MAF: variants seen among roughly 807,000 people sequenced by gnomAD.
MAF encodes the protein transcription factor Maf.
A neutral mutation model predicts 22.0 loss-of-function variants in MAF; 10 were observed. The observed-to-expected ratio is 0.45, with a 90% CI of 0.28 to 0.77. The LOEUF is 0.77. Ranked by LOEUF, MAF falls within the 30% of genes least tolerant of loss-of-function variation. MAF has a pLI of 0.12. For missense variants in MAF, 544 were observed against 548.4 expected, an observed-to-expected ratio of 0.99 and a Z score of 0.08; for synonymous variants, 337 against 255.8, an observed-to-expected ratio of 1.32 and a Z score of -3.03.
chr16:79,229,761 G>T, the MAF span, among the ~76,000 whole-genome samples: 2 of 152,010 alleles, frequency 1.3e-5, no homozygotes, highest in Non-Finnish European at 2.9e-5. Context: ...GTACCTCCGG[G>T]ATTCCTTCTC....
chr16:79,294,980 C>G, the MAF span, among the ~76,000 whole-genome samples: 1 of 150,824 alleles, frequency 6.6e-6, no homozygotes, highest in African/African-American at 2.4e-5. Flanking sequence ...TCGTTCTCCC[C>G]TTGAAAACAG....
At chr16:79,310,755 G>C in the MAF span, among the ~76,000 whole-genome samples, 7 of 152,198 alleles carry the variant, frequency 4.6e-5, no homozygotes, top group African/African-American at 1.7e-4. Context: ...TTATCTTTGG[G>C]AAATTGTAGC....
At chr16:79,323,472 A>G in the MAF span, among the ~76,000 whole-genome samples, 1 of 152,198 alleles carries the variant, frequency 6.6e-6, no homozygotes, top group Non-Finnish European at 1.5e-5. Flanking sequence ...GACAAATTAA[A>G]AAGATTAAAA....
the MAF span, among the ~76,000 whole-genome samples, chr16:79,231,151 C>A: frequency 6.6e-6 from 1 of 152,004 alleles, no homozygotes; most frequent in East Asian, 1.9e-4. Context: ...ACTGTCTCCA[C>A]CTGGATGTGA....
chr16:79,499,547 G>C, the MAF span, among the ~76,000 whole-genome samples: 1 of 152,120 alleles, frequency 6.6e-6, no homozygotes, highest in Non-Finnish European at 1.5e-5. Flanking sequence ...GATTTGAAAG[G>C]TGATTAAGTC....
chr16:79,276,139 CAAAG>C, the MAF span, among the ~76,000 whole-genome samples: 1 of 84,898 alleles, frequency 1.2e-5, no homozygotes, highest in African/African-American at 3.9e-5. Flanking sequence ...GACTCCATCT[CAAAG>C]AAAAAAAAAG....
At chr16:79,376,265 T>C in the MAF span, among the ~76,000 whole-genome samples, 2 of 152,148 alleles carry the variant, frequency 1.3e-5, no homozygotes, top group Non-Finnish European at 2.9e-5. Context: ...CTTAATATTG[T>C]TACACAAAAA....
At chr16:79,432,678 A>G in the MAF span, among the ~76,000 whole-genome samples, 1 of 152,222 alleles carries the variant, frequency 6.6e-6, no homozygotes, top group African/African-American at 2.4e-5. Flanking sequence ...AGATGAAGTC[A>G]TACTGGAGTA....
At chr16:79,308,951 T>C in the MAF span, among the ~76,000 whole-genome samples, 2 of 152,172 alleles carry the variant, frequency 1.3e-5, no homozygotes, top group Non-Finnish European at 2.9e-5. Context: ...GGGCCACTTA[T>C]GGAAGTAACA....
chr16:79,464,097 A>T, the MAF span, among the ~76,000 whole-genome samples: 3 of 152,140 alleles, frequency 2.0e-5, no homozygotes, highest in African/African-American at 7.2e-5. Context: ...GAAGTTCTCC[A>T]CTCTTATTTT....
At chr16:79,464,594 C>A in the MAF span, among the ~76,000 whole-genome samples, 425 of 152,272 alleles carry the variant, frequency 2.8e-3, 4 homozygotes, top group African/African-American at 9.7e-3. Context: ...TAGACTCAGC[C>A]CAAGGCTGCC....
chr16:79,210,384 T>G, the MAF span, among the ~76,000 whole-genome samples: 1 of 152,160 alleles, frequency 6.6e-6, no homozygotes, highest in Non-Finnish European at 1.5e-5. Context: ...ACCAGACCAT[T>G]TGAGGGAAAC....
the MAF span, among the ~76,000 whole-genome samples, chr16:79,255,982 C>CTT: frequency 3.0e-5 from 3 of 99,730 alleles, no homozygotes; most frequent in East Asian, 2.6e-4. Flanking sequence ...CTTTTCTTTT[C>CTT]TTTTTTTTTT....
chr16:79,506,865 G>A, the MAF span, among the ~76,000 whole-genome samples: 2 of 152,060 alleles, frequency 1.3e-5, no homozygotes, highest in African/African-American at 4.8e-5. Context: ...TAAGAAATTT[G>A]GATTTTATTT....
At chr16:79,260,795 T>C in the MAF span, among the ~76,000 whole-genome samples, 21 of 152,184 alleles carry the variant, frequency 1.4e-4, no homozygotes, top group African/African-American at 5.1e-4. Flanking sequence ...ATCCAATCTG[T>C]GACTTCATAG....
At chr16:79,535,574 G>C in the MAF span, among the ~76,000 whole-genome samples, 1 of 138,584 alleles carries the variant, frequency 7.2e-6, no homozygotes, top group African/African-American at 2.6e-5. Flanking sequence ...ATAGCATCAA[G>C]CATTGCTTCT....
At chr16:79,417,654 C>T in the MAF span, among the ~76,000 whole-genome samples, 1 of 152,184 alleles carries the variant, frequency 6.6e-6, no homozygotes, top group Non-Finnish European at 1.5e-5. Flanking sequence ...GCCTGCTTCC[C>T]CTTCTTGGAG....
At chr16:79,370,961 G>A in the MAF span, among the ~76,000 whole-genome samples, 9 of 152,136 alleles carry the variant, frequency 5.9e-5, no homozygotes, top group Non-Finnish European at 2.9e-5. Context: ...CTCAAGACTT[G>A]GTGGCTTAAA....
the MAF span, among the ~76,000 whole-genome samples, chr16:79,472,486 G>A: frequency 3.9e-5 from 6 of 152,088 alleles, no homozygotes; most frequent in Non-Finnish European, 5.9e-5. Flanking sequence ...GGGAAACCTC[G>A]AAAAGATATA....
Sources: allele counts gnomAD v4.1 joint callset (sites outside exome capture counted in the v4.1 genomes callset), GRCh38; gene constraint gnomAD v4.1.1; transcripts MANE v1.5; gene names NCBI Gene and HGNC (gene_info 2026-07-23, HGNC 2026-07-21).